Variants in ASIP observed in about 807,000 individuals in gnomAD.
The protein encoded by ASIP is agouti signaling protein.
ASIP carries 11 observed loss-of-function variants against 10.3 expected under a neutral mutation model. That is an observed-to-expected ratio of 1.07 (90% CI 0.68 to 1.78). The LOEUF (loss-of-function observed/expected upper bound fraction) is 1.78, where lower values mean the gene tolerates loss of function less well. Ranked by LOEUF, ASIP falls within the 40% of genes most tolerant of loss-of-function variation. The probability of loss-of-function intolerance (pLI) is 0.00; values close to 1 mark genes in which losing one functional copy is unlikely to be tolerated. For synonymous variants in ASIP, 70 were observed against 70.8 expected, an observed-to-expected ratio of 0.99 and a Z score of 0.06; for missense variants, 180 against 169.2, an observed-to-expected ratio of 1.06 and a Z score of -0.35.
chr20:34,256,214 A>C (rs1005909785), intron 1 of ASIP, among the ~76,000 whole-genome samples: 8 of 152,112 alleles, frequency 5.3e-5, no homozygotes, highest in Non-Finnish European at 1.0e-4. Flanking sequence ...GACTTGTGTA[A>C]CCTTATCTAT....
At chr20:34,261,506 C>T (rs908303055) in intron 2 of ASIP, among the ~76,000 whole-genome samples, 4 of 152,152 alleles carry the variant, frequency 2.6e-5, no homozygotes, top group South Asian at 2.1e-4. Flanking sequence ...TGGTAGCATG[C>T]GCCTGTAGTC....
chr20:34,202,317 A>G (rs1233250761), intron 1 of ASIP, among the ~76,000 whole-genome samples: 1 of 152,224 alleles, frequency 6.6e-6, no homozygotes, highest in African/African-American at 2.4e-5. Flanking sequence ...GAAATACTAC[A>G]TATGGTCTAC....
At chr20:34,193,746 T>C (rs551146788), upstream of ASIP, among the ~76,000 whole-genome samples, 1 of 152,322 alleles carries the variant, frequency 6.6e-6, no homozygotes, top group South Asian at 2.1e-4. Flanking sequence ...GCCCAGTCTG[T>C]TTTAAAATCC....
intron 1 of ASIP, chr20:34,215,720 T>A: frequency 6.9e-7 from 1 of 1,449,996 alleles, no homozygotes; most frequent in South Asian, 1.1e-5. Flanking sequence ...TTCCAGTACT[T>A]GAAAGCAGAA....
At chr20:34,215,058 G>A (rs951234427) in intron 1 of ASIP, 56 of 1,534,502 alleles carry the variant, frequency 3.6e-5, no homozygotes, top group Middle Eastern at 3.4e-4. Flanking sequence ...CCTGGTCAAT[G>A]CTGAAAAAGC....
chr20:34,257,430 A>G (rs1422992189), intron 1 of ASIP, among the ~76,000 whole-genome samples: 2 of 152,220 alleles, frequency 1.3e-5, no homozygotes, highest in Non-Finnish European at 2.9e-5. Context: ...TACCCATTAA[A>G]GCTAGATGCT....
At chr20:34,222,844 G>A (rs566043104) in intron 1 of ASIP, among the ~76,000 whole-genome samples, 3 of 152,150 alleles carry the variant, frequency 2.0e-5, no homozygotes, top group East Asian at 1.9e-4. Flanking sequence ...TGGCCGGGCC[G>A]GTCTCCAGCC....
chr20:34,234,454 C>T (rs931134913), intron 1 of ASIP, among the ~76,000 whole-genome samples: 1 of 152,128 alleles, frequency 6.6e-6, no homozygotes, highest in African/African-American at 2.4e-5. Context: ...CCAGTGGGCG[C>T]TATCAGCTTT....
chr20:34,238,255 T>C (rs1430277852), upstream of ASIP, among the ~76,000 whole-genome samples: 1 of 152,170 alleles, frequency 6.6e-6, no homozygotes, highest in Non-Finnish European at 1.5e-5. Context: ...CTCTTCTCCT[T>C]CTGGGATGGC....
intron 1 of ASIP, among the ~76,000 whole-genome samples, chr20:34,199,502 G>A (rs1162125612): frequency 2.6e-5 from 4 of 152,096 alleles, no homozygotes; most frequent in Non-Finnish European, 1.5e-5. Context: ...TTTACGTTTA[G>A]CCATTTTGAT....
rs757021635 is a variant in ASIP, at chr20:34,241,435, C to T, written c.-65C>T. 142 of 985,036 alleles carry T rather than the reference C, an allele frequency of 1.4e-4. No homozygotes were observed. Among genetic ancestry groups the T allele is most frequent in the Non-Finnish European group, 1.7e-4 (139 of 829,680 alleles). 61.0% of individuals were successfully genotyped at this position (985,036 alleles called of 1,614,324 possible). ...TAGATGAGCAAGCAGCAAATCTCTA[C>T]AGCTGCAAGGTGAAAAAGGAAGTTC... On this transcript the variant is annotated 5_prime_UTR_variant, in exon 1 of 4. Transcript: ENST00000374954.
chr20:34,267,739 C>T (rs7260991), intron 3 of ASIP, among the ~76,000 whole-genome samples: 1 of 151,806 alleles, frequency 6.6e-6, no homozygotes, highest in Non-Finnish European at 1.5e-5. Flanking sequence ...CCATGTCGGT[C>T]GGGCTGGTCC....
At chr20:34,262,330 C>G (rs945283929) in intron 2 of ASIP, among the ~76,000 whole-genome samples, 2 of 152,080 alleles carry the variant, frequency 1.3e-5, no homozygotes, top group African/African-American at 4.8e-5. Context: ...AGTAAGTTAC[C>G]CACAGCCACA....
chr20:34,249,595 A>T (rs1303919610), intron 1 of ASIP, among the ~76,000 whole-genome samples: 4 of 152,128 alleles, frequency 2.6e-5, no homozygotes, highest in Non-Finnish European at 5.9e-5. Context: ...GCTTGGTTTA[A>T]TGCTCTCCTG....
At chr20:34,205,198 C>G (rs947103226) in intron 1 of ASIP, among the ~76,000 whole-genome samples, 2 of 152,192 alleles carry the variant, frequency 1.3e-5, no homozygotes, top group Non-Finnish European at 2.9e-5. Flanking sequence ...TCCGGAGTTT[C>G]TTCCTTCTGG....
At chr20:34,243,876 A>G (rs1454893078) in intron 1 of ASIP, among the ~76,000 whole-genome samples, 1 of 152,108 alleles carries the variant, frequency 6.6e-6, no homozygotes, top group Admixed American at 6.5e-5. Flanking sequence ...CATCCTGGCT[A>G]ACACGATGAA....
At chr20:34,195,898 A>ATATTTT (rs1413491164) in intron 1 of ASIP, among the ~76,000 whole-genome samples, 2 of 151,928 alleles carry the variant, frequency 1.3e-5, no homozygotes, top group African/African-American at 4.8e-5. Flanking sequence ...TAACCCCCAT[A>ATATTTT]TATTGTAACT....
intron 2 of ASIP, among the ~76,000 whole-genome samples, chr20:34,260,990 A>G (rs1161002559): frequency 7.2e-5 from 11 of 152,180 alleles, no homozygotes; most frequent in African/African-American, 1.2e-4. Context: ...ACCTGATAAT[A>G]ATCATAGACA....
At chr20:34,220,956 T>C (rs6087564) in intron 1 of ASIP, among the ~76,000 whole-genome samples, 12,981 of 139,888 alleles carry the variant, frequency 0.093, 220 homozygotes, top group South Asian at 0.17. Flanking sequence ...TTTCCTTCTT[T>C]TTTTTTTTTT....
Sources: allele counts gnomAD v4.1 joint callset (sites outside exome capture counted in the v4.1 genomes callset), GRCh38; gene constraint gnomAD v4.1.1; transcripts MANE v1.5; gene names NCBI Gene and HGNC (gene_info 2026-07-23, HGNC 2026-07-21).